ELFN2: variants seen among roughly 807,000 people sequenced by gnomAD.
The protein encoded by ELFN2 is protein phosphatase 1 regulatory subunit 29.
A neutral mutation model predicts 45.5 loss-of-function variants in ELFN2; 17 were observed. The ratio of observed to expected loss-of-function variants is 0.37; its 90% CI spans 0.26 to 0.56. ELFN2 has a LOEUF of 0.56. Among genes scored for constraint, ELFN2 ranks in the 20% least tolerant of loss-of-function variants. The pLI, the probability that ELFN2 is intolerant of heterozygous loss-of-function variation, is 0.77. For missense variants in ELFN2, 922 were observed against 1,183.2 expected (o/e 0.78, Z 3.24); for synonymous variants, 550 against 551.5 (o/e 1.00, Z 0.04).
chr22:37,407,930 G>A (rs1932547666), intron 2 of ELFN2, among the ~76,000 whole-genome samples: 1 of 151,692 alleles, frequency 6.6e-6, no homozygotes, highest in Admixed American at 6.6e-5. Context: ...GCCCCACCCA[G>A]CAATTAAACT....
In ELFN2 at chr22:37,374,103, C is replaced by T. The variant is rs759482053; in HGVS notation, c.1432G>A (p.Gly478Arg). The change falls in exon 3 of 3, where the codon GGG becomes AGG. Residue 478 changes from glycine (G) to arginine (R), a missense_variant. By Grantham distance (125) the Gly-to-Arg change is moderately radical. Around this residue, in one of 2 missense-constraint regions of ELFN2, gnomAD observed 564 missense variants for 642.8 expected, o/e 0.88. Coordinates refer to ENST00000402918, the MANE Select transcript of ELFN2 (RefSeq NM_052906.5). Reference sequence around the variant, plus strand: ...CCCTTGGCGGTGGGCAGCTTCTCCCCGATCATGGAGGGGATGGAGGCCATG... The same window carrying T: ...CCCTTGGCGGTGGGCAGCTTCTCCCTGATCATGGAGGGGATGGAGGCCATG... Reference protein sequence around the residue: ...SRMASIPSMIGEKLPTAKGLE... With the variant: ...SRMASIPSMIREKLPTAKGLE... 4.3e-6 allele frequency: 7 copies of T among 1,612,988 alleles called. No homozygotes were observed. The highest frequency in any genetic ancestry group is 3.3e-5 in the Admixed American group (2 of 60,000).
At chr22:37,350,111 C>T (rs1223683293) in intron 1 of ELFN2, among the ~76,000 whole-genome samples, 1 of 150,880 alleles carries the variant, frequency 6.6e-6, no homozygotes, top group Non-Finnish European at 1.5e-5. Context: ...CCCAGAGACG[C>T]CCTTGTCGGA....
At chr22:37,390,965 C>T (rs1446593541) in intron 2 of ELFN2, among the ~76,000 whole-genome samples, 3 of 152,208 alleles carry the variant, frequency 2.0e-5, no homozygotes, top group African/African-American at 7.2e-5. Flanking sequence ...AAGCGAGGGG[C>T]TAGACTATGC....
intron 1 of ELFN2, among the ~76,000 whole-genome samples, chr22:37,351,762 C>T (rs1417481620): frequency 1.3e-5 from 2 of 151,034 alleles, no homozygotes; most frequent in African/African-American, 2.4e-5. Context: ...GACCTGTCAG[C>T]TTTCCAGCCA....
intron 1 of ELFN2, among the ~76,000 whole-genome samples, chr22:37,426,080 A>G (rs946026142): frequency 1.3e-5 from 2 of 152,056 alleles, no homozygotes; most frequent in Non-Finnish European, 2.9e-5. Flanking sequence ...CCAGACACAC[A>G]CACACACTCC....
chr22:37,426,073 G>GAC (rs141398002), intron 1 of ELFN2, among the ~76,000 whole-genome samples: 52 of 151,128 alleles, frequency 3.4e-4, no homozygotes, highest in Admixed American at 2.5e-3. Flanking sequence ...CCGCAGCCCA[G>GAC]ACACACACAC....
intron 2 of ELFN2, among the ~76,000 whole-genome samples, chr22:37,404,131 G>A (rs1331084605): frequency 1.3e-5 from 2 of 152,202 alleles, no homozygotes; most frequent in East Asian, 3.9e-4. Flanking sequence ...AGGAGAGGGA[G>A]CCCCGAGGCC....
At chr22:37,356,185 C>T (rs535987758) in intron 1 of ELFN2, among the ~76,000 whole-genome samples, 2 of 152,140 alleles carry the variant, frequency 1.3e-5, no homozygotes, top group South Asian at 2.1e-4. Flanking sequence ...ACCTCCTGAG[C>T]AATGTGGGGT....
chr22:37,344,781 C>T (rs1356872430), intron 1 of ELFN2, among the ~76,000 whole-genome samples: 4 of 152,206 alleles, frequency 2.6e-5, no homozygotes, highest in Non-Finnish European at 5.9e-5. Flanking sequence ...CACCACCATG[C>T]GCATCCCCTC....
intron 2 of ELFN2, among the ~76,000 whole-genome samples, chr22:37,382,235 G>A (rs986517725): frequency 5.9e-5 from 9 of 152,082 alleles, no homozygotes; most frequent in South Asian, 2.1e-4. Context: ...ACGATGTCCC[G>A]TCACCTGCAG....
chr22:37,383,220 G>A lies in ELFN2; in HGVS notation c.-462-7224C>T, dbSNP rs143587787. On this transcript the variant is annotated intron_variant, in intron 2 of 2. Transcript: ENST00000402918. ...GCTCCAGAAGCCTCCACCTCCCTCG[G>A]CTGGGCTCCCTGCTTCTGTTCATGC... is the stretch of plus-strand genomic sequence containing the variant. Among the ~76,000 whole-genome samples the A allele has an allele frequency of 3.0e-3, 460 of 152,232 alleles. 2 individuals are homozygous for A. Among genetic ancestry groups the A allele is most frequent in the Non-Finnish European group, 3.9e-3 (264 of 68,012 alleles).
At chr22:37,366,215 T>C (rs1931203329), downstream of ELFN2, among the ~76,000 whole-genome samples, 1 of 152,240 alleles carries the variant, frequency 6.6e-6, no homozygotes, top group African/African-American at 2.4e-5. Context: ...GCATGTTAAA[T>C]GTGCTCTGTT....
chr22:37,359,147 A>T (rs1931019565), intron 1 of ELFN2, among the ~76,000 whole-genome samples: 1 of 152,190 alleles, frequency 6.6e-6, no homozygotes, highest in African/African-American at 2.4e-5. Flanking sequence ...TCCAAGAGAG[A>T]GATGGAGACC....
intron 1 of ELFN2, chr22:37,353,908 A>AGG (rs1930884185): frequency 1.4e-5 from 2 of 138,302 alleles, no homozygotes; most frequent in Non-Finnish European, 1.7e-5. Context: ...ATTCATTCCT[A>AGG]GGTTTACACT....
chr22:37,387,927 A>G (rs1931993153), intron 2 of ELFN2, among the ~76,000 whole-genome samples: 1 of 150,082 alleles, frequency 6.7e-6, no homozygotes, highest in Non-Finnish European at 1.5e-5. Context: ...GTCCACCTCC[A>G]CGGCTGGACT....
At chr22:37,407,664 G>C (rs1932538790) in intron 2 of ELFN2, among the ~76,000 whole-genome samples, 1 of 152,036 alleles carries the variant, frequency 6.6e-6, no homozygotes, top group Non-Finnish European at 1.5e-5. Flanking sequence ...TTGGGAGGCT[G>C]AGGTGGGCGG....
intron 1 of ELFN2, among the ~76,000 whole-genome samples, chr22:37,419,750 C>T (rs1344867954): frequency 6.6e-6 from 1 of 152,212 alleles, no homozygotes; most frequent in Admixed American, 6.5e-5. Context: ...AGCCAACACA[C>T]CCCCAGCACA....
intron 2 of ELFN2, among the ~76,000 whole-genome samples, chr22:37,394,045 G>T (rs942129789): frequency 2.6e-5 from 4 of 152,186 alleles, no homozygotes; most frequent in Non-Finnish European, 5.9e-5. Flanking sequence ...ATGTCCACAG[G>T]CCCAGCTGCC....
intron 2 of ELFN2, among the ~76,000 whole-genome samples, chr22:37,412,878 C>T (rs891666378): frequency 1.8e-4 from 28 of 152,198 alleles, no homozygotes; most frequent in African/African-American, 6.8e-4. Context: ...AGCCTTCCTC[C>T]CCGGGTGACC....
Sources: allele counts gnomAD v4.1 joint callset (sites outside exome capture counted in the v4.1 genomes callset), GRCh38; gene constraint gnomAD v4.1.1; regional missense constraint gnomAD v4.1.1; transcripts MANE v1.5; gene names NCBI Gene and HGNC (gene_info 2026-07-23, HGNC 2026-07-21).